Variants in FAT3 observed in about 807,000 individuals in gnomAD.
FAT3 encodes FAT atypical cadherin 3, also known as protocadherin Fat 3.
FAT3 carries 95 observed loss-of-function variants against 310.2 expected under a neutral mutation model. The observed-to-expected ratio is 0.31, with a 90% confidence interval of 0.26 to 0.36. The LOEUF (loss-of-function observed/expected upper bound fraction) is 0.36. Among genes scored for constraint, FAT3 ranks in the 10% least tolerant of loss-of-function variants. FAT3 has a pLI of 1.00. For synonymous variants in FAT3, 2,314 were observed against 2,192.9 expected (o/e 1.06, Z -1.54); for missense variants, 5,408 against 5,715.6 (o/e 0.95, Z 1.74).
chr11:92,624,331 C>T (rs1000682559), intron 3 of FAT3, among the ~76,000 whole-genome samples: 1 of 152,188 alleles, frequency 6.6e-6, no homozygotes, highest in East Asian at 1.9e-4. Flanking sequence ...CTTAGGAAGC[C>T]GGTTAAAGTT....
In FAT3 at chr11:92,402,818, C is replaced by G. The variant is rs77094051; in HGVS notation, c.3292+47414C>G. 4.8e-3 allele frequency among the ~76,000 whole-genome samples: 715 copies of G among 149,188 alleles called. 2 individuals carry two copies. Among genetic ancestry groups the G allele is most frequent in the Non-Finnish European group, 6.6e-3 (446 of 67,356 alleles). ...CCATAAGTCCAAGAAGCTCAGGGAACACCAAGCAGAATAAGTATCAAAAAC... is the reference window on the plus strand; with the variant it reads ...CCATAAGTCCAAGAAGCTCAGGGAAGACCAAGCAGAATAAGTATCAAAAAC... On this transcript the variant is annotated intron_variant, in intron 2 of 27. Transcript: ENST00000525166.
chr11:92,515,810 T>C (rs1383404080), intron 2 of FAT3, among the ~76,000 whole-genome samples: 1 of 152,068 alleles, frequency 6.6e-6, no homozygotes, highest in Non-Finnish European at 1.5e-5. Flanking sequence ...AATGATTAAA[T>C]AGTGATGTGT....
At chr11:92,805,516 GA>G (rs2061034291) in intron 11 of FAT3, among the ~76,000 whole-genome samples, 167 bp downstream of exon 11, 1 of 150,530 alleles carries the variant, frequency 6.6e-6, no homozygotes. Context: ...TTGAAAACAT[GA>G]AAAGAGTATA....
chr11:92,497,992 C>T (rs918628016), intron 2 of FAT3, among the ~76,000 whole-genome samples: 34 of 151,962 alleles, frequency 2.2e-4, no homozygotes, highest in African/African-American at 8.2e-4. Context: ...ATGCTGAGGC[C>T]TGGGGGTAGA....
intron 2 of FAT3, among the ~76,000 whole-genome samples, chr11:92,413,016 T>A (rs934939153): frequency 3.9e-5 from 6 of 151,926 alleles, no homozygotes; most frequent in Non-Finnish European, 7.4e-5. Context: ...TTTGGACAAA[T>A]GTATAGTGAC....
chr11:92,745,662 C>A (rs963157338), intron 4 of FAT3, among the ~76,000 whole-genome samples: 1 of 150,616 alleles, frequency 6.6e-6, no homozygotes, highest in Non-Finnish European at 1.5e-5. Flanking sequence ...AAGATTTGGA[C>A]AAAGCTGTAA....
rs561893005 is a variant in FAT3 at position 92,266,329 on chromosome 11, A to G, written c.-18+41155A>G. Among the ~76,000 whole-genome samples the G allele has an allele frequency of 3.3e-5, 5 of 152,234 alleles. No homozygotes were observed. In the East Asian group the frequency reaches 9.7e-4, roughly 29 times the overall value. On this transcript the variant is annotated intron_variant, in intron 1 of 27. Transcript: ENST00000525166. ...CTCGACAATGTATTTTCTCTTTAGT[A>G]TGGGCAGGAGCTGAGGAAGTGTCTT...
chr11:92,715,940 AGAG>A (rs1355611761), intron 4 of FAT3, among the ~76,000 whole-genome samples: 33 of 152,226 alleles, frequency 2.2e-4, no homozygotes, highest in Middle Eastern at 3.4e-3. Flanking sequence ...GGAGAGCAGT[AGAG>A]GAGGGAAATT....
intron 13 of FAT3, among the ~76,000 whole-genome samples, chr11:92,823,583 A>G (rs1948026223): frequency 6.6e-6 from 1 of 152,156 alleles, no homozygotes; most frequent in South Asian, 2.1e-4. Flanking sequence ...GGAGCCCACA[A>G]TCATGTTGTT....
At chr11:92,232,516 G>A (rs747937735) in intron 1 of FAT3, among the ~76,000 whole-genome samples, 5 of 151,718 alleles carry the variant, frequency 3.3e-5, no homozygotes, top group Non-Finnish European at 7.4e-5. Context: ...TTGACAGAAG[G>A]TCTCTTTCTC....
Position 92,715,025 on chromosome 11 carries a change from G to T in FAT3, c.3669+17580G>T, listed in dbSNP as rs552811196. Reference sequence around the variant, plus strand: ...GGTATGGGTTGTTTTTTGTTACATGGATTTGGGACTTATGAGGACAACTAG... The same window carrying T: ...GGTATGGGTTGTTTTTTGTTACATGTATTTGGGACTTATGAGGACAACTAG... On this transcript the variant is annotated intron_variant, in intron 4 of 27. Coordinates refer to ENST00000525166, the MANE Select transcript of FAT3 (RefSeq NM_001367949.2). 4.6e-5 allele frequency among the ~76,000 whole-genome samples: 7 copies of T among 151,136 alleles called. No individual in the cohort carries two copies. In the East Asian group the frequency reaches 1.4e-3, roughly 29 times the overall value.
At chr11:92,705,007 A>G (rs1288422675) in intron 4 of FAT3, among the ~76,000 whole-genome samples, 1 of 152,216 alleles carries the variant, frequency 6.6e-6, no homozygotes, top group African/African-American at 2.4e-5. Flanking sequence ...AACTCTCCAC[A>G]GAAGGCCCTC....
chr11:92,718,598 A>G (rs967024705), intron 4 of FAT3, among the ~76,000 whole-genome samples: 1 of 152,130 alleles, frequency 6.6e-6, no homozygotes, highest in Non-Finnish European at 1.5e-5. Flanking sequence ...AGTATATAGC[A>G]TCTGAAATTA....
At chr11:92,782,461 C>T (rs1230480070) in intron 7 of FAT3, among the ~76,000 whole-genome samples, 2 of 152,014 alleles carry the variant, frequency 1.3e-5, no homozygotes, top group African/African-American at 4.8e-5. Context: ...ACCTATAGTC[C>T]CAGCTACTTG....
chr11:92,747,751 A>G (rs995199846), intron 4 of FAT3, among the ~76,000 whole-genome samples: 3 of 152,210 alleles, frequency 2.0e-5, no homozygotes, highest in African/African-American at 7.2e-5. Flanking sequence ...TTCCACAGAC[A>G]TCTAGGGCAG....
Position 92,801,014 on chromosome 11 carries a change from C to G in FAT3, c.8001C>G (p.Asn2667Lys), listed in dbSNP as rs757296485. Residue 2667 changes from asparagine to lysine, a missense_variant, in exon 10 of 28, where the codon AAC becomes AAG. Asn to Lys is a moderately conservative substitution (Grantham distance 94). Transcript: ENST00000525166. ...GGATGGTCACAAAGGGTAATTTTAA[C>G]CAGCTGAAAAATACAGTGCTTTCGT... ...NGWMVTKGNF[N>K]QLKNTVLSFF... 6.2e-7 allele frequency: 1 copy of G among 1,613,564 alleles called. No homozygotes were observed. Among genetic ancestry groups the G allele is most frequent in the South Asian group, 1.1e-5 (1 of 90,962 alleles).
At chr11:92,764,251 C>T (rs1007414145) in intron 5 of FAT3, among the ~76,000 whole-genome samples, 8 of 152,098 alleles carry the variant, frequency 5.3e-5, no homozygotes, top group African/African-American at 1.4e-4. Context: ...AGAGAGTTCT[C>T]TGTTACCTTT....
intron 1 of FAT3, among the ~76,000 whole-genome samples, chr11:92,229,548 T>A (rs370391531): frequency 2.2e-5 from 3 of 139,418 alleles, no homozygotes; most frequent in East Asian, 4.4e-4. Flanking sequence ...TCTCCAAATT[T>A]CTAAGAATAA....
At chr11:92,408,929 T>C (rs2134906145) in intron 2 of FAT3, among the ~76,000 whole-genome samples, 1 of 152,286 alleles carries the variant, frequency 6.6e-6, no homozygotes, top group Admixed American at 6.5e-5. Context: ...GATGAGAAAA[T>C]AAAATGGAAT....
Sources: allele counts gnomAD v4.1 joint callset (sites outside exome capture counted in the v4.1 genomes callset), GRCh38; gene constraint gnomAD v4.1.1; transcripts MANE v1.5; gene names NCBI Gene and HGNC (gene_info 2026-07-23, HGNC 2026-07-21).